Variants in SRGAP1 observed in about 807,000 individuals in gnomAD.
The protein encoded by SRGAP1 is SLIT-ROBO Rho GTPase activating protein 1.
SRGAP1 carries 43 observed loss-of-function variants against 121.9 expected under a neutral mutation model. That is an observed-to-expected ratio of 0.35 (90% CI 0.28 to 0.46). SRGAP1 has a LOEUF of 0.46. SRGAP1 is among the 20% of genes least tolerant of loss of function. The pLI is 1.00. For synonymous variants in SRGAP1, 447 were observed against 485.4 expected (o/e 0.92, Z 1.04); for missense variants, 1,102 against 1,350.9 (o/e 0.82, Z 2.89).
intron 1 of SRGAP1, among the ~76,000 whole-genome samples, chr12:63,856,788 C>G (rs1899266328): frequency 3.9e-5 from 6 of 152,144 alleles, no homozygotes; most frequent in Admixed American, 3.9e-4. Context: ...CCTTTCTCTT[C>G]CAAGTAAATT....
At chr12:63,969,621 G>A (rs1377646723) in intron 1 of SRGAP1, among the ~76,000 whole-genome samples, 1 of 151,882 alleles carries the variant, frequency 6.6e-6, no homozygotes, top group Non-Finnish European at 1.5e-5. Context: ...GTGAAACCCC[G>A]TCTCTATTAA....
chr12:64,110,012 G>A (rs1157183764), intron 16 of SRGAP1, among the ~76,000 whole-genome samples: 2 of 152,066 alleles, frequency 1.3e-5, no homozygotes, highest in African/African-American at 2.4e-5. Context: ...ATTCACAAAC[G>A]ACAGTAGCAA....
chr12:64,086,993 C>T lies in SRGAP1; in HGVS notation c.1409-6C>T. 1.9e-6 allele frequency: 3 copies of T among 1,594,360 alleles called. No homozygotes were observed. The highest frequency in any genetic ancestry group is 2.3e-5 in the East Asian group (1 of 44,422). On this transcript the variant is annotated splice_region_variant and splice_polypyrimidine_tract_variant and intron_variant, in intron 10 of 21. Transcript: ENST00000355086. ...AGTTTACTTACTTTAAATTTTTTTC[C>T]TGCAGGTCATAGAGCTGAATATATG...
chr12:64,139,615 G>A (rs1472521505), intron 21 of SRGAP1, among the ~76,000 whole-genome samples: 1 of 151,638 alleles, frequency 6.6e-6, no homozygotes, highest in Non-Finnish European at 1.5e-5. Context: ...AAATTTGTTT[G>A]AGTTCATTGT....
chr12:64,094,634 GAGTTCTTTTT>G (rs2036119722), intron 12 of SRGAP1, among the ~76,000 whole-genome samples: 1 of 152,108 alleles, frequency 6.6e-6, no homozygotes, highest in African/African-American at 2.4e-5. Flanking sequence ...ATAATACACA[GAGTTCTTTTT>G]AAGTCCATTA....
chr12:64,052,518 G>A (rs1422589091), intron 6 of SRGAP1, among the ~76,000 whole-genome samples: 2 of 151,212 alleles, frequency 1.3e-5, no homozygotes, highest in Non-Finnish European at 2.9e-5. Context: ...TTGCGCCATT[G>A]TACTCCAGCC....
chr12:64,062,663 C>T (rs548050533), intron 6 of SRGAP1, among the ~76,000 whole-genome samples: 9 of 152,182 alleles, frequency 5.9e-5, no homozygotes, highest in Admixed American at 2.0e-4. Flanking sequence ...ACTATAGGTG[C>T]GTGCCACCAT....
intron 8 of SRGAP1, among the ~76,000 whole-genome samples, chr12:64,078,381 A>G (rs2035774988): frequency 6.6e-6 from 1 of 152,246 alleles, no homozygotes; most frequent in African/African-American, 2.4e-5. Flanking sequence ...AAAGGAAGAC[A>G]AAAATTATAC....
intron 16 of SRGAP1, 42 bp from the exon 17 acceptor site, chr12:64,111,720 C>A (rs756646693): frequency 2.0e-6 from 3 of 1,485,336 alleles, no homozygotes; most frequent in African/African-American, 1.4e-5. Context: ...TCCTTTTTTT[C>A]TCTTTGTTCT....
intron 1 of SRGAP1, among the ~76,000 whole-genome samples, chr12:63,961,352 C>T (rs1203277477): frequency 1.3e-5 from 2 of 152,210 alleles, no homozygotes; most frequent in East Asian, 3.8e-4. Context: ...CATCTCCTCA[C>T]ATGGAATTCT....
chr12:64,019,772 C>T (rs994149805), intron 4 of SRGAP1, among the ~76,000 whole-genome samples: 5 of 152,108 alleles, frequency 3.3e-5, no homozygotes, highest in Admixed American at 2.6e-4. Context: ...GTTTAGGTTC[C>T]CCATTCAACC....
chr12:64,003,156 G>C (rs1171475418), intron 3 of SRGAP1, among the ~76,000 whole-genome samples: 2 of 152,008 alleles, frequency 1.3e-5, no homozygotes, highest in Non-Finnish European at 2.9e-5. Context: ...CTCAATCATG[G>C]CTCACTGTAG....
chr12:64,023,157 T>A (rs1186824314), intron 4 of SRGAP1, among the ~76,000 whole-genome samples: 1 of 149,370 alleles, frequency 6.7e-6, no homozygotes, highest in Non-Finnish European at 1.5e-5. Context: ...GATGGTTTTT[T>A]ACATATATAT....
At chr12:64,080,415 C>T (rs144154752) in intron 10 of SRGAP1, 45 bp downstream of exon 10, 18 of 1,316,352 alleles carry the variant, frequency 1.4e-5, no homozygotes, top group East Asian at 7.0e-5. Flanking sequence ...GATGATACAT[C>T]GTATCATGTA....
At chr12:63,871,749 A>G in intron 1 of SRGAP1, 1 of 1,071,442 alleles carries the variant, frequency 9.3e-7, no homozygotes, top group Non-Finnish European at 1.4e-6. Flanking sequence ...TTAGAACTGG[A>G]TCACTTGGTC....
At chr12:63,911,129 C>T (rs1163120145) in intron 1 of SRGAP1, among the ~76,000 whole-genome samples, 1 of 151,944 alleles carries the variant, frequency 6.6e-6, no homozygotes, top group Non-Finnish European at 1.5e-5. Flanking sequence ...GAAACCCCAT[C>T]TCTACTAAAA....
chr12:64,054,984 G>A (rs537400967), intron 6 of SRGAP1, among the ~76,000 whole-genome samples: 10 of 148,366 alleles, frequency 6.7e-5, no homozygotes, highest in Non-Finnish European at 1.3e-4. Context: ...GAGAATATGC[G>A]GTTGGAAGTT....
At chr12:64,024,561 G>A (rs1214784486) in intron 4 of SRGAP1, among the ~76,000 whole-genome samples, 1 of 152,202 alleles carries the variant, frequency 6.6e-6, no homozygotes, top group Non-Finnish European at 1.5e-5. Context: ...GAAACACAGT[G>A]GTTACTTCTA....
chr12:63,874,540 A>G (rs1322249229), intron 1 of SRGAP1, among the ~76,000 whole-genome samples: 1 of 152,192 alleles, frequency 6.6e-6, no homozygotes, highest in Non-Finnish European at 1.5e-5. Context: ...AGGACAAATG[A>G]ACTATTTAAG....
Sources: allele counts gnomAD v4.1 joint callset (sites outside exome capture counted in the v4.1 genomes callset), GRCh38; gene constraint gnomAD v4.1.1; transcripts MANE v1.5; gene names NCBI Gene and HGNC (gene_info 2026-07-23, HGNC 2026-07-21).